Variants in RIN2 observed in about 807,000 individuals in gnomAD.
The protein encoded by RIN2 is RAB5 interacting protein 2.
A neutral mutation model predicts 78.0 loss-of-function variants in RIN2; 36 were observed. That is an observed-to-expected ratio of 0.46 (90% CI 0.35 to 0.61). The LOEUF is 0.61. Ranked by LOEUF, RIN2 falls within the 20% of genes least tolerant of loss-of-function variation. The pLI is 0.00. For synonymous variants in RIN2, 466 were observed against 466.8 expected, an observed-to-expected ratio of 1.00 and a Z score of 0.02; for missense variants, 1,087 against 1,159.7, an observed-to-expected ratio of 0.94 and a Z score of 0.91.
At chr20:19,804,363 G>A (rs1381267707) in intron 2 of RIN2, among the ~76,000 whole-genome samples, 2 of 152,124 alleles carry the variant, frequency 1.3e-5, no homozygotes, top group African/African-American at 4.8e-5. Context: ...TTATTTTGAA[G>A]TATGTTCCAT....
At chr20:19,818,003 ATGT>A (rs2035814359) in intron 2 of RIN2, among the ~76,000 whole-genome samples, 1 of 146,626 alleles carries the variant, frequency 6.8e-6, no homozygotes, top group Non-Finnish European at 1.5e-5. Flanking sequence ...CATTGTGCAA[ATGT>A]TGTAGAGTGC....
chr20:19,804,272 T>C (rs2035335473), intron 2 of RIN2, among the ~76,000 whole-genome samples: 1 of 152,190 alleles, frequency 6.6e-6, no homozygotes, highest in South Asian at 2.1e-4. Flanking sequence ...CCTTATCTTG[T>C]GCTAGTTTTC....
chr20:19,776,426 G>T, intron 1 of RIN2, among the ~76,000 whole-genome samples: 1 of 152,060 alleles, frequency 6.6e-6, no homozygotes, highest in Non-Finnish European at 1.5e-5. Flanking sequence ...GCAACCAATT[G>T]CCAATCAGAA....
At position 19,975,292 on chromosome 20, in the gene RIN2, CATG is replaced by C. The variant is rs761825925; in HGVS notation, c.1268_1270del (p.His423_Gly424delinsArg). On this transcript the variant is annotated inframe_deletion, in exon 9 of 13. Transcript: ENST00000255006. The surrounding 1 kb of genome is among the most constrained non-coding windows in gnomAD (Gnocchi z 4.9). ...CAGCTCTGAATCACGGCCCCCGTGCCATGGAGGCCGGCAGCGGCTGAGCGACAT... is the reference window on the plus strand; with the variant it reads ...CAGCTCTGAATCACGGCCCCCGTGCCGAGGCCGGCAGCGGCTGAGCGACAT... 2.5e-6 allele frequency: 4 copies of C among 1,603,212 alleles called. No homozygotes were observed. The highest frequency in any genetic ancestry group is 1.7e-6 in the Non-Finnish European group (2 of 1,175,222).
chr20:19,964,571 G>T (rs2041876114), intron 6 of RIN2, among the ~76,000 whole-genome samples: 1 of 152,162 alleles, frequency 6.6e-6, no homozygotes, highest in Non-Finnish European at 1.5e-5. Flanking sequence ...AGGGTCAAGG[G>T]ATCGAGGGGA....
intron 5 of RIN2, among the ~76,000 whole-genome samples, chr20:19,958,823 T>C (rs1319480178): frequency 2.0e-5 from 3 of 152,118 alleles, no homozygotes; most frequent in African/African-American, 7.2e-5. Context: ...GAGCTGAGAT[T>C]GCACCACTGC....
At chr20:19,779,713 G>T (rs977357673) in intron 1 of RIN2, among the ~76,000 whole-genome samples, 1 of 152,176 alleles carries the variant, frequency 6.6e-6, no homozygotes, top group Admixed American at 6.5e-5. Flanking sequence ...AACACTTTGA[G>T]ATTTTCTAAA....
chr20:19,935,326 T>A, intron 4 of RIN2, 127 bp downstream of exon 4: 1 of 1,245,250 alleles, frequency 8.0e-7, no homozygotes, highest in Non-Finnish European at 1.1e-6. Flanking sequence ...CAGCTCTAGA[T>A]GAAATCCTCT....
chr20:19,867,975 T>A (rs2037560913), intron 2 of RIN2, among the ~76,000 whole-genome samples: 1 of 152,220 alleles, frequency 6.6e-6, no homozygotes, highest in African/African-American at 2.4e-5. Flanking sequence ...GCCTGTTCTG[T>A]GGCTGGGGCT....
chr20:19,858,413 T>G (rs1211310749), intron 2 of RIN2, among the ~76,000 whole-genome samples: 1 of 152,098 alleles, frequency 6.6e-6, no homozygotes, highest in African/African-American at 2.4e-5. Flanking sequence ...AGCCTTTGAG[T>G]CTGGGTAACC....
intron 4 of RIN2, among the ~76,000 whole-genome samples, chr20:19,940,452 C>T (rs1298365393): frequency 6.6e-6 from 1 of 152,206 alleles, no homozygotes; most frequent in Non-Finnish European, 1.5e-5. Flanking sequence ...AGAGGCCCTT[C>T]CCCCAGTCTC....
At chr20:19,914,287 G>A (rs181333783) in intron 3 of RIN2, among the ~76,000 whole-genome samples, 22 of 152,254 alleles carry the variant, frequency 1.4e-4, no homozygotes, top group Non-Finnish European at 2.8e-4. Context: ...TTCTTTTGGT[G>A]TCTAGTTAGG....
At chr20:19,806,608 A>G (rs771596524) in intron 2 of RIN2, among the ~76,000 whole-genome samples, 2 of 152,194 alleles carry the variant, frequency 1.3e-5, no homozygotes, top group Non-Finnish European at 2.9e-5. Context: ...ACTCAGTAGG[A>G]AAACTGAGCT....
At chr20:19,932,297 C>A (rs1404017611) in intron 3 of RIN2, among the ~76,000 whole-genome samples, 1 of 152,148 alleles carries the variant, frequency 6.6e-6, no homozygotes, top group Non-Finnish European at 1.5e-5. Context: ...TTACCAGATG[C>A]CAGAGTCATG....
chr20:19,859,784 C>T (rs1464553032), intron 2 of RIN2, among the ~76,000 whole-genome samples: 3 of 152,190 alleles, frequency 2.0e-5, no homozygotes, highest in Non-Finnish European at 4.4e-5. Context: ...ATTATCTTTT[C>T]CATAAATCTT....
intron 2 of RIN2, among the ~76,000 whole-genome samples, chr20:19,867,214 C>T (rs1363004329): frequency 1.3e-5 from 2 of 152,294 alleles, no homozygotes; most frequent in South Asian, 2.1e-4. Flanking sequence ...TGCACACACA[C>T]ACACTTTTTT....
chr20:19,978,722 G>A (rs766347687), intron 9 of RIN2, among the ~76,000 whole-genome samples: 1 of 152,136 alleles, frequency 6.6e-6, no homozygotes, highest in African/African-American at 2.4e-5. Context: ...GGAGAGACAC[G>A]GGCTCGTTCC....
chr20:19,796,182 T>C (rs2035050451), intron 1 of RIN2, among the ~76,000 whole-genome samples: 1 of 152,196 alleles, frequency 6.6e-6, no homozygotes, highest in Non-Finnish European at 1.5e-5. Context: ...AGTTTGACCT[T>C]TTCTGTTTTG....
chr20:19,864,453 T>A (rs2037437772), intron 2 of RIN2, among the ~76,000 whole-genome samples: 1 of 152,168 alleles, frequency 6.6e-6, no homozygotes, highest in African/African-American at 2.4e-5. Context: ...AAACACAGCA[T>A]CCTTTGAATC....
Sources: allele counts gnomAD v4.1 joint callset (sites outside exome capture counted in the v4.1 genomes callset), GRCh38; gene constraint gnomAD v4.1.1; non-coding constraint Gnocchi (gnomAD v3.1); transcripts MANE v1.5; gene names NCBI Gene and HGNC (gene_info 2026-07-23, HGNC 2026-07-21).